The following RNF180 variants were observed in gnomAD, a reference collection of about 807,000 sequenced individuals.
RNF180 encodes ring finger protein 180.
RNF180 carries 38 observed loss-of-function variants against 59.2 expected under a neutral mutation model. The observed-to-expected ratio is 0.64, with a 90% CI of 0.50 to 0.84. The LOEUF is 0.84. RNF180 is among the 40% of genes least tolerant of loss of function. RNF180 has a pLI of 0.00. For synonymous variants in RNF180, 262 were observed against 240.3 expected (o/e 1.09, Z -0.84); for missense variants, 705 against 700.9 (o/e 1.01, Z -0.07).
chr5:64,334,065 G>A (rs528909966), intron 7 of RNF180, among the ~76,000 whole-genome samples: 1 of 152,166 alleles, frequency 6.6e-6, no homozygotes, highest in Non-Finnish European at 1.5e-5. Flanking sequence ...CATAGAGCAG[G>A]GCAGAAGTAA....
intron 5 of RNF180, among the ~76,000 whole-genome samples, chr5:64,238,375 A>T (rs941699536): frequency 6.6e-6 from 1 of 152,242 alleles, no homozygotes; most frequent in Admixed American, 6.5e-5. Flanking sequence ...TCACTGGATC[A>T]TATGGCAGTT....
At chr5:64,308,317 A>T (rs929975819) in intron 5 of RNF180, among the ~76,000 whole-genome samples, 3 of 151,732 alleles carry the variant, frequency 2.0e-5, no homozygotes, top group African/African-American at 7.3e-5. Context: ...ACAGCAAAAA[A>T]CTGTAATCTT....
intron 5 of RNF180, among the ~76,000 whole-genome samples, chr5:64,317,345 A>T (rs1293582381): frequency 6.6e-6 from 1 of 152,086 alleles, no homozygotes; most frequent in East Asian, 1.9e-4. Flanking sequence ...TAAAAAATGT[A>T]TGTCTTAGTT....
intron 1 of RNF180, among the ~76,000 whole-genome samples, chr5:64,192,903 G>GTGTATATATATATATA (rs1486448173): frequency 3.2e-4 from 30 of 93,866 alleles, no homozygotes; most frequent in African/African-American, 1.2e-3. Context: ...AGTGTGGCAT[G>GTGTATATATATATATA]TATATATATA....
At chr5:64,226,855 G>C (rs1225741429) in intron 5 of RNF180, among the ~76,000 whole-genome samples, 1 of 152,162 alleles carries the variant, frequency 6.6e-6, no homozygotes, top group Non-Finnish European at 1.5e-5. Context: ...CGATGGATGG[G>C]ATGACCTGGG....
chr5:64,308,512 A>C (rs1580222104), intron 5 of RNF180, among the ~76,000 whole-genome samples: 1 of 151,890 alleles, frequency 6.6e-6, no homozygotes, highest in East Asian at 1.9e-4. Flanking sequence ...ATTTCACAAA[A>C]GTGTAGCCAG....
intron 5 of RNF180, among the ~76,000 whole-genome samples, chr5:64,299,765 T>G (rs1743067547): frequency 6.6e-6 from 1 of 151,928 alleles, no homozygotes; most frequent in Non-Finnish European, 1.5e-5. Context: ...AATACAGTAG[T>G]CCTCCTGTAT....
intron 5 of RNF180, among the ~76,000 whole-genome samples, chr5:64,323,398 G>C (rs191648221): frequency 6.6e-6 from 1 of 151,948 alleles, no homozygotes; most frequent in Admixed American, 6.6e-5. Context: ...AAGAATAGTC[G>C]GGCACCATGC....
chr5:64,349,598 C>A (rs1745706234), intron 7 of RNF180, among the ~76,000 whole-genome samples: 2 of 151,772 alleles, frequency 1.3e-5, no homozygotes, highest in South Asian at 4.2e-4. Flanking sequence ...CCCCACCACA[C>A]CATGACAGGC....
intron 5 of RNF180, among the ~76,000 whole-genome samples, chr5:64,273,337 C>T (rs1352293295): frequency 6.6e-6 from 1 of 151,896 alleles, no homozygotes; most frequent in African/African-American, 2.4e-5. Context: ...AATAGCCAAC[C>T]AGCAGCCCTC....
At chr5:64,293,021 G>C (rs1034230615) in intron 5 of RNF180, among the ~76,000 whole-genome samples, 3 of 152,214 alleles carry the variant, frequency 2.0e-5, no homozygotes, top group Admixed American at 6.5e-5. Flanking sequence ...AGAAATGGTG[G>C]TCCCTCCTCA....
chr5:64,177,108 C>A (rs1056367047), intron 1 of RNF180, among the ~76,000 whole-genome samples: 116 of 152,228 alleles, frequency 7.6e-4, no homozygotes, highest in African/African-American at 2.7e-3. Context: ...TCTGATGATA[C>A]GTGAAGTGTA....
intron 7 of RNF180, among the ~76,000 whole-genome samples, chr5:64,345,392 A>G (rs537514060): frequency 6.6e-6 from 1 of 152,206 alleles, no homozygotes; most frequent in Non-Finnish European, 1.5e-5. Context: ...ATGCCTCTCC[A>G]CTGGGAAAGA....
At chr5:64,193,127 G>C (rs1479045592) in intron 1 of RNF180, among the ~76,000 whole-genome samples, 1 of 151,628 alleles carries the variant, frequency 6.6e-6, no homozygotes, top group East Asian at 1.9e-4. Flanking sequence ...TGTCGGGATG[G>C]GGGAAAGGAA....
At chr5:64,353,174 T>C (rs905899924) in intron 7 of RNF180, among the ~76,000 whole-genome samples, 2 of 151,816 alleles carry the variant, frequency 1.3e-5, no homozygotes, top group African/African-American at 4.8e-5. Context: ...AATAGACTAA[T>C]TGGTAATATC....
At chr5:64,293,394 G>A (rs571311839) in intron 5 of RNF180, among the ~76,000 whole-genome samples, 24 of 152,202 alleles carry the variant, frequency 1.6e-4, no homozygotes, top group African/African-American at 5.5e-4. Context: ...GAGAGCCACG[G>A]ACCGCAGCTG....
intron 7 of RNF180, among the ~76,000 whole-genome samples, chr5:64,332,063 C>T (rs899486961): frequency 2.0e-5 from 3 of 152,150 alleles, no homozygotes; most frequent in African/African-American, 4.8e-5. Context: ...CTTGCTCAAC[C>T]ACACACCCCT....
chr5:64,366,563 C>A (rs1705175953), intron 7 of RNF180, among the ~76,000 whole-genome samples: 1 of 151,514 alleles, frequency 6.6e-6, no homozygotes, highest in African/African-American at 2.4e-5. Context: ...CTCTCCCCAT[C>A]TCTTTCAGTA....
intron 5 of RNF180, among the ~76,000 whole-genome samples, chr5:64,258,994 G>T (rs1210852273): frequency 2.0e-5 from 3 of 152,168 alleles, no homozygotes; most frequent in Non-Finnish European, 4.4e-5. Context: ...ACAGCAGTGG[G>T]TAGGAGAAGA....
Sources: gnomAD v4.1 joint callset for allele counts (sites outside exome capture counted in the v4.1 genomes callset) on GRCh38, gnomAD v4.1.1 for gene constraint, MANE v1.5 for transcripts, NCBI Gene and HGNC (gene_info 2026-07-23, HGNC 2026-07-21) for gene names.